The following DNTTIP2 variants were observed in gnomAD, a reference collection of about 807,000 sequenced individuals.
The protein encoded by DNTTIP2 is deoxynucleotidyltransferase terminal-interacting protein 2.
Under a neutral mutation model 62.4 loss-of-function variants are expected in DNTTIP2, and 47 were observed. The ratio of observed to expected loss-of-function variants is 0.75; its 90% confidence interval spans 0.60 to 0.96. DNTTIP2 has a LOEUF of 0.96. Ranked by LOEUF, DNTTIP2 falls within the 40% of genes least tolerant of loss-of-function variation. DNTTIP2 has a pLI of 0.00. For synonymous variants in DNTTIP2, 322 were observed against 300.9 expected, an observed-to-expected ratio of 1.07 and a Z score of -0.73; for missense variants, 870 against 849.1, an observed-to-expected ratio of 1.02 and a Z score of -0.31.
In DNTTIP2 at chr1:93,869,661, G is replaced by C. The variant is rs1655806796; in HGVS notation, c.*190C>G. ...CCATAAAGAGTCTACACCAGGGTGG[G>C]TCTTTTAGACACCCCTATTTTCTAA... On this transcript the variant is annotated 3_prime_UTR_variant, in exon 7 of 7. Coordinates refer to ENST00000436063, the MANE Select transcript of DNTTIP2 (RefSeq NM_014597.5). 1 of 520,908 alleles carries C rather than the reference G, an allele frequency of 1.9e-6. No homozygotes were observed. The allele number at this position is 520,908 out of a possible 1,614,324, so 32.3% of individuals were successfully genotyped here.
intron 3 of DNTTIP2, 88 bp from the exon 4 acceptor site, chr1:93,873,302 T>A: frequency 9.4e-7 from 1 of 1,066,156 alleles, no homozygotes; most frequent in Non-Finnish European, 1.4e-6. Flanking sequence ...TTTTAAAATT[T>A]TTAGTCAGCC....
In DNTTIP2 at chr1:93,872,061, T is replaced by A; in HGVS notation, c.2067+11A>T. The A allele has an allele frequency of 1.9e-6, 3 of 1,613,558 alleles. No homozygotes were observed. Among genetic ancestry groups the A allele is most frequent in the Non-Finnish European group, 2.5e-6 (3 of 1,179,678 alleles). On this transcript the variant is annotated intron_variant, in intron 5 of 6. Transcript: ENST00000436063. ...TCACAGATCATCACCACTATTCTGT[T>A]TGCTTCATACCTGGAAGTACTTGGG...
intron 1 of DNTTIP2, 180 bp downstream of exon 1, chr1:93,878,897 G>C: frequency 4.0e-6 from 3 of 748,940 alleles, no homozygotes; most frequent in Non-Finnish European, 6.3e-6. Flanking sequence ...AGAGACAGTG[G>C]TGAAGGCTAA....
chr1:93,877,496 C>A lies in DNTTIP2; in HGVS notation c.439G>T (p.Val147Phe). The part of the protein sequence containing the change: ...EEIVSEAESH[V>F]SGISRIVLPT... Reference sequence around the variant, plus strand: ...AGCACAATTCTAGAAATACCTGAAACATGAGATTCTGCTTCAGACACTATT... The same window carrying A: ...AGCACAATTCTAGAAATACCTGAAAAATGAGATTCTGCTTCAGACACTATT... The change falls in exon 2 of 7, where the codon GTT becomes TTT. Residue 147 changes from valine to phenylalanine, a missense_variant. Val to Phe is a conservative substitution (Grantham distance 50). Transcript: ENST00000436063. The A allele has an allele frequency of 1.2e-6, 2 of 1,613,958 alleles. No homozygotes were observed. Among genetic ancestry groups the A allele is most frequent in the Non-Finnish European group, 1.7e-6 (2 of 1,179,886 alleles).
chr1:93,873,844 C>T (rs1655932420), intron 3 of DNTTIP2, among the ~76,000 whole-genome samples: 1 of 152,084 alleles, frequency 6.6e-6, no homozygotes, highest in Non-Finnish European at 1.5e-5. Context: ...TGTTACTTGA[C>T]TAGGATGATT....
Position 93,876,995 on chromosome 1 carries a change from T to C in DNTTIP2, c.940A>G (p.Asn314Asp). ...NGITDEGKEI[N>D]EKSSQLKNLS... ...TTCTTCAGCTGAGAACTTTTCTCAT[T>C]AATTTCTTTCCCCTCATCTGTTATT... The change falls in exon 2 of 7, where the codon AAT becomes GAT. Residue 314 changes from asparagine to aspartate, a missense_variant. Coordinates refer to ENST00000436063, the MANE Select transcript of DNTTIP2 (RefSeq NM_014597.5). The C allele has an allele frequency of 1.2e-6, 2 of 1,612,954 alleles. No homozygotes were observed. Among genetic ancestry groups the C allele is most frequent in the Non-Finnish European group, 1.7e-6 (2 of 1,179,738 alleles).
chr1:93,877,053 CTGTTT>C lies in DNTTIP2; in HGVS notation c.877_881del (p.Lys293GlufsTer3). 6.2e-7 allele frequency: 1 copy of C among 1,612,214 alleles called. No homozygotes were observed. The highest frequency in any genetic ancestry group is 8.5e-7 in the Non-Finnish European group (1 of 1,179,792). On this transcript the variant is annotated frameshift_variant, in exon 2 of 7. Coordinates refer to ENST00000436063, the MANE Select transcript of DNTTIP2 (RefSeq NM_014597.5). LOFTEE classifies it high-confidence loss of function. ...CATCTTCATCCAAATCCTTACAATT[CTGTTT>C]TGTTTCTTTAAGAGATTCAACATTG...
In DNTTIP2 at chr1:93,870,766, A is replaced by T; in HGVS notation, c.2094T>A (p.Ala698=). The T allele has an allele frequency of 6.4e-7, 1 of 1,564,268 alleles. No individual in the cohort carries two copies. Among genetic ancestry groups the T allele is most frequent in the South Asian group, 1.2e-5 (1 of 83,640 alleles). ...FQIGTIVDNP[A]DFYHSRIPKK... Reference sequence around the variant, plus strand: ...TGGGAATTCGTGAATGGTAGAAATCAGCTGGATTGTCAACAATGGTTCCAA... The same window carrying T: ...TGGGAATTCGTGAATGGTAGAAATCTGCTGGATTGTCAACAATGGTTCCAA... Residue 698 remains alanine (A), a synonymous_variant, in exon 6 of 7, where the codon GCT becomes GCA. Coordinates refer to ENST00000436063, the MANE Select transcript of DNTTIP2 (RefSeq NM_014597.5).
intron 1 of DNTTIP2, 63 bp from the exon 2 acceptor site, chr1:93,877,925 A>C: frequency 6.6e-7 from 1 of 1,505,276 alleles, no homozygotes; most frequent in Non-Finnish European, 8.8e-7. Context: ...AAGCAAATGA[A>C]ATACTGACCC....
In DNTTIP2 at chr1:93,869,017, A is replaced by G. The variant is rs890710438; in HGVS notation, c.*834T>C. On this transcript the variant is annotated 3_prime_UTR_variant, in exon 7 of 7. Transcript: ENST00000436063. ...AAAAAAAAAGATTTCATATTTGCTG[A>G]TATCTCAAGGAAGCAGTATGCTGGA... 2 of 152,134 alleles carry G rather than the reference A, an allele frequency of 1.3e-5. No homozygotes were observed. Among genetic ancestry groups the G allele is most frequent in the African/African-American group, 4.8e-5 (2 of 41,414 alleles). The allele number at this position is 152,134 out of a possible 1,614,324, so 9.4% of individuals were successfully genotyped here. A position where few individuals can be genotyped will look rare whatever the true frequency, so the allele number is the denominator to read the frequency against.
At position 93,867,192 on chromosome 1, in the gene DNTTIP2, C is replaced by T. The variant is rs999713813; in HGVS notation, c.*2659G>A. On this transcript the variant is annotated 3_prime_UTR_variant, in exon 7 of 7. Coordinates refer to ENST00000436063, the MANE Select transcript of DNTTIP2 (RefSeq NM_014597.5). The stretch of plus-strand genomic sequence containing the variant: ...CTTGGAGCCAGATGGTGTATAAATA[C>T]AGCATTCTTTTCGAAATCTTTCAAG... The T allele has an allele frequency of 7.0e-6, 1 of 142,872 alleles. No individual in the cohort carries two copies. Among genetic ancestry groups the T allele is most frequent in the Admixed American group, 7.0e-5 (1 of 14,276 alleles). 8.9% of individuals were successfully genotyped at this position (142,872 alleles called of 1,614,324 possible). A position where few individuals can be genotyped will look rare whatever the true frequency, so the allele number is the denominator to read the frequency against.
rs1327417760 is a variant in DNTTIP2 at position 93,873,156 on chromosome 1, T to C, written c.1865A>G (p.Tyr622Cys). Reference protein sequence around the residue: ...DFEKNHCVPPYSESKYQLQKK... With the variant: ...DFEKNHCVPPCSESKYQLQKK... The stretch of plus-strand genomic sequence containing the variant: ...CTGAAGTTGATACTTTGATTCACTA[T>C]ATGGTGGAACACAGTGGTTTTTTTC... Residue 622 changes from tyrosine to cysteine, a missense_variant, in exon 4 of 7, where the codon TAT becomes TGT. Tyr to Cys is a radical substitution (Grantham distance 194). Coordinates refer to ENST00000436063, the MANE Select transcript of DNTTIP2 (RefSeq NM_014597.5). 2.5e-6 allele frequency: 4 copies of C among 1,613,110 alleles called. No homozygotes were observed. The highest frequency in any genetic ancestry group is 1.1e-5 in the South Asian group (1 of 90,956).
chr1:93,867,779 G>A lies in DNTTIP2; in HGVS notation c.*2072C>T, dbSNP rs1025630546. ...TCATACTGGGTCCTTATTTTATCCAGTAGAAGGCAAAACATAGTATTCCAG... is the reference window on the plus strand; with the variant it reads ...TCATACTGGGTCCTTATTTTATCCAATAGAAGGCAAAACATAGTATTCCAG... On this transcript the variant is annotated 3_prime_UTR_variant, in exon 7 of 7. Coordinates refer to ENST00000436063, the MANE Select transcript of DNTTIP2 (RefSeq NM_014597.5). 1.3e-5 allele frequency: 2 copies of A among 151,644 alleles called. No individual in the cohort carries two copies. The highest frequency in any genetic ancestry group is 6.6e-5 in the Admixed American group (1 of 15,224). 9.4% of individuals were successfully genotyped at this position (151,644 alleles called of 1,614,324 possible). A position where few individuals can be genotyped will look rare whatever the true frequency, so the allele number is the denominator to read the frequency against.
chr1:93,877,342 A>G lies in DNTTIP2; in HGVS notation c.593T>C (p.Ile198Thr). The G allele has an allele frequency of 1.9e-6, 3 of 1,613,654 alleles. No homozygotes were observed. Among genetic ancestry groups the G allele is most frequent in the Non-Finnish European group, 2.5e-6 (3 of 1,179,860 alleles). The change falls in exon 2 of 7, where the codon ATT becomes ACT. Residue 198 changes from isoleucine to threonine, a missense_variant. Physicochemically the swap from Ile to Thr is moderately conservative, Grantham distance 89. Transcript: ENST00000436063. ...CATACTCCTGGTTCTTCTAGTTGCAATTCCAGAGAATGAAATGTCTGAGCT... is the reference window on the plus strand; with the variant it reads ...CATACTCCTGGTTCTTCTAGTTGCAGTTCCAGAGAATGAAATGTCTGAGCT... Reference protein sequence around the residue: ...TSSSDISFSGIATRRTRSMQR... With the variant: ...TSSSDISFSGTATRRTRSMQR...
rs1655876755 is a variant in DNTTIP2, at chr1:93,872,094, T to C, written c.2045A>G (p.Asp682Gly). 6.2e-7 allele frequency: 1 copy of C among 1,613,828 alleles called. No individual in the cohort carries two copies. ...PKRFYKKNDR[D>G]GFPKYFQIGT... is the part of the protein sequence containing the mutation. ...TACCTGGAAGTACTTGGGGAAGCCA[T>C]CTCTATCATTTTTCTTGTAAAATCT... The change falls in exon 5 of 7, where the codon GAT becomes GGT. Residue 682 changes from aspartate to glycine, a missense_variant. Transcript: ENST00000436063.
In DNTTIP2 at chr1:93,867,562, T is replaced by A. The variant is rs1655752041; in HGVS notation, c.*2289A>T. On this transcript the variant is annotated 3_prime_UTR_variant, in exon 7 of 7. Transcript: ENST00000436063. ...TGGCACCACTGCACTCCAACCTGGG[T>A]GATGGAGTGAGACGTCTCAAAAAAA... is the stretch of plus-strand genomic sequence containing the variant. 6.9e-6 allele frequency: 1 copy of A among 145,030 alleles called. No homozygotes were observed. Among genetic ancestry groups the A allele is most frequent in the African/African-American group, 2.7e-5 (1 of 37,506 alleles). The allele number at this position is 145,030 out of a possible 1,614,324, so 9.0% of individuals were successfully genotyped here.
chr1:93,875,208 A>C (rs1332156633), intron 3 of DNTTIP2, among the ~76,000 whole-genome samples: 1 of 152,224 alleles, frequency 6.6e-6, no homozygotes, highest in African/African-American at 2.4e-5. Context: ...GCTAAAGCTA[A>C]GGGTTTGGGT....
Position 93,870,689 on chromosome 1 carries a change from A to G in DNTTIP2, c.2171T>C (p.Phe724Ser). ...IVEELLADSE[F>S]RRYNRRKYSE... ...TAAATATGAATTCCTTTACCTTCTG[A>G]ATTCAGAATCAGCCAGCAGTTCTTC... The change falls in exon 6 of 7, where the codon TTC becomes TCC. Residue 724 changes from phenylalanine (F) to serine (S), a missense_variant. By Grantham distance (155) the Phe-to-Ser change is radical (BLOSUM62 -2). Transcript: ENST00000436063. 4 of 1,537,858 alleles carry G rather than the reference A, an allele frequency of 2.6e-6. No homozygotes were observed. Among genetic ancestry groups the G allele is most frequent in the Non-Finnish European group, 3.5e-6 (4 of 1,135,804 alleles).
rs781444162 is a variant in DNTTIP2, at chr1:93,877,422, C to CA, written c.512dup (p.Thr172AspfsTer14). 1.2e-6 allele frequency: 2 copies of CA among 1,613,792 alleles called. No homozygotes were observed. The highest frequency in any genetic ancestry group is 1.1e-5 in the South Asian group (1 of 91,084). ...TATGAGATTCTTGGCTTGGATCTGT[C>CA]AGAGATTTAGCCTTACTTCTTCTGG... On this transcript the variant is annotated frameshift_variant, in exon 2 of 7. Coordinates refer to ENST00000436063, the MANE Select transcript of DNTTIP2 (RefSeq NM_014597.5). LOFTEE classifies it high-confidence loss of function.
Sources: allele counts gnomAD v4.1 joint callset (sites outside exome capture counted in the v4.1 genomes callset), GRCh38; gene constraint gnomAD v4.1.1; transcripts MANE v1.5; gene names NCBI Gene and HGNC (gene_info 2026-07-23, HGNC 2026-07-21).